ARHGAP32: variants seen among roughly 807,000 people sequenced by gnomAD.
The protein encoded by ARHGAP32 is Rho GTPase activating protein 32.
Under a neutral mutation model 186.5 loss-of-function variants are expected in ARHGAP32, and 51 were observed. The ratio of observed to expected loss-of-function variants is 0.27; its 90% CI spans 0.22 to 0.35. The LOEUF (loss-of-function observed/expected upper bound fraction) is 0.35. ARHGAP32 is among the 10% of genes least tolerant of loss of function. The pLI, the probability that ARHGAP32 is intolerant of heterozygous loss-of-function variation, is 1.00. For missense variants in ARHGAP32, 2,186 were observed against 2,623.5 expected, an observed-to-expected ratio of 0.83 and a Z score of 3.64; for synonymous variants, 950 against 964.3, an observed-to-expected ratio of 0.99 and a Z score of 0.27.
At chr11:129,137,513 C>G (rs868025334) in intron 2 of ARHGAP32, among the ~76,000 whole-genome samples, 29 of 151,828 alleles carry the variant, frequency 1.9e-4, no homozygotes, top group Non-Finnish European at 3.1e-4. Context: ...AAGAAAAGTA[C>G]TAATAATATA....
At chr11:129,177,221 A>C (rs1257963309) in intron 1 of ARHGAP32, among the ~76,000 whole-genome samples, 2 of 152,090 alleles carry the variant, frequency 1.3e-5, no homozygotes, top group Non-Finnish European at 2.9e-5. Flanking sequence ...CATACACTCT[A>C]CCAAGACTAA....
chr11:129,073,612 T>C (rs1409559343), intron 6 of ARHGAP32, among the ~76,000 whole-genome samples: 1 of 151,700 alleles, frequency 6.6e-6, no homozygotes, highest in Non-Finnish European at 1.5e-5. Context: ...GTATGATACA[T>C]ACATACTGAA....
intron 17 of ARHGAP32, 143 bp downstream of exon 17, chr11:128,981,273 T>C (rs1487299906): frequency 1.2e-6 from 1 of 808,032 alleles, no homozygotes; most frequent in East Asian, 2.5e-5. Context: ...TGTCAAATTG[T>C]GCATTTTGGT....
intron 1 of ARHGAP32, among the ~76,000 whole-genome samples, chr11:129,205,584 C>A (rs1359428008): frequency 6.6e-6 from 1 of 152,120 alleles, no homozygotes; most frequent in African/African-American, 2.4e-5. Context: ...TCAATTTCCT[C>A]TTCTGAACAG....
At chr11:129,268,015 ACCT>A (rs1044273155) in intron 1 of ARHGAP32, among the ~76,000 whole-genome samples, 1 of 151,774 alleles carries the variant, frequency 6.6e-6, no homozygotes, top group Non-Finnish European at 1.5e-5. Context: ...TGACCCAAAA[ACCT>A]CCTATTAGGC....
intron 6 of ARHGAP32, among the ~76,000 whole-genome samples, chr11:129,072,261 C>T (rs995147466): frequency 6.6e-5 from 10 of 152,076 alleles, no homozygotes; most frequent in Non-Finnish European, 1.3e-4. Context: ...TTTTGTTATA[C>T]GCTTTTTATT....
intron 1 of ARHGAP32, among the ~76,000 whole-genome samples, chr11:129,215,989 C>T (rs1486287175): frequency 1.3e-5 from 2 of 152,004 alleles, no homozygotes; most frequent in African/African-American, 2.4e-5. Context: ...GAGAAAAGAG[C>T]GATGTGAAAA....
At chr11:129,222,050 A>C (rs1043954142) in intron 1 of ARHGAP32, among the ~76,000 whole-genome samples, 2 of 152,110 alleles carry the variant, frequency 1.3e-5, no homozygotes, top group African/African-American at 4.8e-5. Context: ...AATATTGACA[A>C]CTATAGCTAC....
At chr11:129,238,896 G>A (rs980009557) in intron 1 of ARHGAP32, among the ~76,000 whole-genome samples, 3 of 152,090 alleles carry the variant, frequency 2.0e-5, no homozygotes, top group Non-Finnish European at 4.4e-5. Flanking sequence ...GTGCAGTGGT[G>A]TAATCTCGGT....
intron 1 of ARHGAP32, among the ~76,000 whole-genome samples, chr11:129,181,962 T>C (rs1443273184): frequency 6.6e-6 from 1 of 152,164 alleles, no homozygotes; most frequent in African/African-American, 2.4e-5. Context: ...ATTATTCATA[T>C]GTATGAAAAA....
intron 1 of ARHGAP32, among the ~76,000 whole-genome samples, chr11:129,264,973 T>A (rs1283202876): frequency 6.6e-6 from 1 of 152,222 alleles, no homozygotes; most frequent in Non-Finnish European, 1.5e-5. Context: ...TGCCCATGTC[T>A]CACAACCTTT....
chr11:129,258,706 T>A (rs548959709), intron 1 of ARHGAP32, among the ~76,000 whole-genome samples: 3 of 152,326 alleles, frequency 2.0e-5, no homozygotes, highest in Non-Finnish European at 4.4e-5. Flanking sequence ...GAGTAGCTGA[T>A]AAATCGAGAC....
In ARHGAP32 at chr11:128,973,041, T is replaced by C. The variant is rs779542014; in HGVS notation, c.3465A>G (p.Gln1155=). Residue 1155 remains glutamine (Q), a synonymous_variant, in exon 22 of 23, where the codon CAA becomes CAG. Transcript: ENST00000682385. ...THSNTTESGE[Q]HHQVDLTGNQ... ...TCCCTGTTAAGTCTACTTGGTGATG[T>C]TGCTCCCCAGATTCAGTTGTGTTGG... The C allele has an allele frequency of 5.6e-6, 9 of 1,614,128 alleles. No individual in the cohort carries two copies. In the South Asian group the frequency reaches 7.7e-5, roughly 14 times the overall value.
chr11:129,050,184 T>C (rs1311509678), intron 10 of ARHGAP32, among the ~76,000 whole-genome samples: 1 of 152,200 alleles, frequency 6.6e-6, no homozygotes, highest in Non-Finnish European at 1.5e-5. Flanking sequence ...AGAATTCCAA[T>C]TCTTCCACAT....
At chr11:129,101,387 T>C (rs1225954372) in intron 5 of ARHGAP32, among the ~76,000 whole-genome samples, 1 of 152,026 alleles carries the variant, frequency 6.6e-6, no homozygotes, top group Non-Finnish European at 1.5e-5. Flanking sequence ...ATTCAGAATA[T>C]GCATAGGAAT....
intron 1 of ARHGAP32, among the ~76,000 whole-genome samples, chr11:129,244,073 C>G (rs1477317518): frequency 6.6e-6 from 1 of 152,168 alleles, no homozygotes; most frequent in African/African-American, 2.4e-5. Flanking sequence ...TAAAATACAA[C>G]AGCAGTTGCA....
At chr11:129,173,231 A>G (rs1943811452) in intron 1 of ARHGAP32, among the ~76,000 whole-genome samples, 1 of 152,038 alleles carries the variant, frequency 6.6e-6, no homozygotes, top group African/African-American at 2.4e-5. Context: ...AAATTCCTGG[A>G]TGCATACACC....
intron 11 of ARHGAP32, among the ~76,000 whole-genome samples, chr11:129,016,131 T>G (rs888596934): frequency 2.0e-5 from 3 of 152,212 alleles, no homozygotes; most frequent in South Asian, 2.1e-4. Context: ...CTAATCAGAA[T>G]AGGCATTGTT....
At chr11:129,267,842 C>T (rs1275253831) in intron 1 of ARHGAP32, among the ~76,000 whole-genome samples, 1 of 152,136 alleles carries the variant, frequency 6.6e-6, no homozygotes, top group Non-Finnish European at 1.5e-5. Context: ...AAAGGGGAGC[C>T]AGCATGTGCA....
Sources: gnomAD v4.1 joint callset for allele counts (sites outside exome capture counted in the v4.1 genomes callset) on GRCh38, gnomAD v4.1.1 for gene constraint, MANE v1.5 for transcripts, NCBI Gene and HGNC (gene_info 2026-07-23, HGNC 2026-07-21) for gene names.